The following RCOR1 variants were observed in gnomAD, a reference collection of about 807,000 sequenced individuals.
RCOR1 encodes REST corepressor.
Under a neutral mutation model 64.0 loss-of-function variants are expected in RCOR1, and 12 were observed. That is an observed-to-expected ratio of 0.19 (90% CI 0.12 to 0.30). RCOR1 has a LOEUF of 0.30. Among genes scored for constraint, RCOR1 ranks in the 10% least tolerant of loss-of-function variants. The probability of loss-of-function intolerance (pLI) is 1.00; values close to 1 mark genes in which losing one functional copy is unlikely to be tolerated. For missense variants in RCOR1, 502 were observed against 621.2 expected (o/e 0.81, Z 2.04); for synonymous variants, 279 against 227.2 (o/e 1.23, Z -2.05).
intron 2 of RCOR1, among the ~76,000 whole-genome samples, chr14:102,651,381 C>A (rs148108069): frequency 6.6e-6 from 1 of 151,906 alleles, no homozygotes; most frequent in African/African-American, 2.4e-5. Flanking sequence ...AGTGAAACCC[C>A]GTCTCTACTA....
Position 102,653,023 on chromosome 14 carries a change from C to T in RCOR1, c.362-28872C>T, listed in dbSNP as rs372182370. The stretch of plus-strand genomic sequence containing the variant: ...TCTTGGCTCACTGCAACCTCTATCT[C>T]CTGGGTTCAAGCGATTCTCCTGCCT... On this transcript the variant is annotated intron_variant, in intron 2 of 11. Coordinates refer to ENST00000262241, the MANE Select transcript of RCOR1 (RefSeq NM_015156.4). Among the ~76,000 whole-genome samples the T allele has an allele frequency of 3.9e-5, 6 of 152,212 alleles. No homozygotes were observed. The East Asian group carries it at 1.2e-3, about 29-fold the overall frequency.
chr14:102,642,401 A>G (rs986201045), intron 2 of RCOR1, among the ~76,000 whole-genome samples: 1 of 152,222 alleles, frequency 6.6e-6, no homozygotes, highest in African/African-American at 2.4e-5. Flanking sequence ...TCAGTTCCAT[A>G]GAATGTTGTT....
At chr14:102,657,695 G>A (rs939611152) in intron 2 of RCOR1, 9 of 402,264 alleles carry the variant, frequency 2.2e-5, no homozygotes, top group South Asian at 1.0e-4. Flanking sequence ...AAAATTAGCC[G>A]GACTTGGTGG....
intron 2 of RCOR1, among the ~76,000 whole-genome samples, chr14:102,614,348 C>A (rs986520351): frequency 1.3e-5 from 2 of 151,848 alleles, no homozygotes; most frequent in African/African-American, 4.8e-5. Context: ...CCTCAGCCCC[C>A]CGAGTAGCTG....
At chr14:102,697,450 A>G (rs979799455) in intron 3 of RCOR1, among the ~76,000 whole-genome samples, 2 of 152,186 alleles carry the variant, frequency 1.3e-5, no homozygotes, top group Non-Finnish European at 2.9e-5. Context: ...ATTGTACATA[A>G]TACAGCACCC....
intron 2 of RCOR1, chr14:102,655,110 C>CT (rs67404203): frequency 0.03 from 3,155 of 104,424 alleles, 57 homozygotes; most frequent in Non-Finnish European, 0.037. Flanking sequence ...CGCGGACAAC[C>CT]TTTTTTTTTT....
At chr14:102,666,850 C>T (rs1894923625) in intron 2 of RCOR1, among the ~76,000 whole-genome samples, 1 of 152,160 alleles carries the variant, frequency 6.6e-6, no homozygotes, top group Non-Finnish European at 1.5e-5. Flanking sequence ...TGGCGGAGTA[C>T]TTTACAGTGG....
At chr14:102,674,621 T>C (rs945078679) in intron 2 of RCOR1, among the ~76,000 whole-genome samples, 19 of 152,210 alleles carry the variant, frequency 1.2e-4, no homozygotes, top group African/African-American at 4.6e-4. Context: ...TGCCAGTTTT[T>C]TTCTCTGAAG....
chr14:102,728,202 G>A lies in RCOR1; in HGVS notation c.*1696G>A, dbSNP rs142406233. 7.6e-4 allele frequency: 116 copies of A among 152,224 alleles called. 1 individual carries two copies. Among genetic ancestry groups the A allele is most frequent in the African/African-American group, 2.7e-3 (110 of 41,488 alleles). The allele number at this position is 152,224 out of a possible 1,614,324, so 9.4% of individuals were successfully genotyped here. A position where few individuals can be genotyped will look rare whatever the true frequency, so the allele number is the denominator to read the frequency against. On this transcript the variant is annotated 3_prime_UTR_variant, in exon 12 of 12. Transcript: ENST00000262241. Reference sequence around the variant, plus strand: ...TTTTTAGTATAGTCTGGAGAGAAAGGTCATTCAAAAGGAAAGTACAATGGG... The same window carrying A: ...TTTTTAGTATAGTCTGGAGAGAAAGATCATTCAAAAGGAAAGTACAATGGG...
At chr14:102,677,623 C>T (rs1424363617) in intron 2 of RCOR1, among the ~76,000 whole-genome samples, 328 of 130,426 alleles carry the variant, frequency 2.5e-3, no homozygotes, top group African/African-American at 6.0e-3. Context: ...CAGAGACGCT[C>T]CTCACTTCCT....
rs767325838 is a variant in RCOR1 at position 102,593,285 on chromosome 14, C to T, written c.321C>T (p.Val107=). The T allele has an allele frequency of 2.0e-5, 31 of 1,543,506 alleles. 1 individual carries two copies. The South Asian group carries it at 3.2e-4, about 16-fold the overall frequency. The part of the protein sequence containing the change: ...DEEHGGGGMR[V]GPQYQAVVPD... ...CCGCAGGTGGCGGTGGCATGAGGGT[C>T]GGACCCCAGTACCAGGCGGTGGTGC... The change falls in exon 2 of 12, where the codon GTC becomes GTT. Residue 107 remains valine, a synonymous_variant. Coordinates refer to ENST00000262241, the MANE Select transcript of RCOR1 (RefSeq NM_015156.4).
chr14:102,622,636 G>A (rs1010757926), intron 2 of RCOR1, among the ~76,000 whole-genome samples: 7 of 151,086 alleles, frequency 4.6e-5, no homozygotes, highest in African/African-American at 1.5e-4. Context: ...TGTGATTTCC[G>A]CCCCCCGCCC....
chr14:102,718,414 A>T (rs1896109636), intron 8 of RCOR1, among the ~76,000 whole-genome samples: 1 of 152,062 alleles, frequency 6.6e-6, no homozygotes, highest in Non-Finnish European at 1.5e-5. Flanking sequence ...GACATCATCA[A>T]CCTCTACCAG....
chr14:102,598,912 C>T (rs1294137305), intron 2 of RCOR1, among the ~76,000 whole-genome samples: 1 of 151,990 alleles, frequency 6.6e-6, no homozygotes, highest in East Asian at 1.9e-4. Context: ...CAGCCCTACA[C>T]TTTTAACTTA....
intron 2 of RCOR1, among the ~76,000 whole-genome samples, chr14:102,604,678 A>T (rs1371889267): frequency 6.6e-6 from 1 of 152,174 alleles, no homozygotes; most frequent in Admixed American, 6.6e-5. Context: ...AAGGAAAAGG[A>T]TCAACAAGAT....
chr14:102,625,963 G>A (rs960979527), intron 2 of RCOR1, among the ~76,000 whole-genome samples: 1 of 152,118 alleles, frequency 6.6e-6, no homozygotes, highest in African/African-American at 2.4e-5. Flanking sequence ...CTGGGATCCT[G>A]TTCTCTGCCC....
At chr14:102,725,445 G>A (rs752969933) in intron 11 of RCOR1, among the ~76,000 whole-genome samples, 6 of 152,184 alleles carry the variant, frequency 3.9e-5, no homozygotes, top group Non-Finnish European at 8.8e-5. Flanking sequence ...TCCTGGGATC[G>A]TATGGGCTCC....
chr14:102,632,674 C>T (rs1405906399), intron 2 of RCOR1, among the ~76,000 whole-genome samples: 1 of 45,190 alleles, frequency 2.2e-5, no homozygotes. Context: ...CTTTCCTTTC[C>T]TTTCCTTTTC....
intron 2 of RCOR1, among the ~76,000 whole-genome samples, chr14:102,663,300 C>G (rs1046275726): frequency 6.6e-5 from 10 of 152,176 alleles, no homozygotes; most frequent in African/African-American, 2.4e-4. Flanking sequence ...TCTGGTATGT[C>G]TTTATCAGCA....
Sources: allele counts gnomAD v4.1 joint callset (sites outside exome capture counted in the v4.1 genomes callset), GRCh38; gene constraint gnomAD v4.1.1; transcripts MANE v1.5; gene names NCBI Gene and HGNC (gene_info 2026-07-23, HGNC 2026-07-21).